The following PLA2G6 variants were observed in gnomAD, a reference collection of about 807,000 sequenced individuals.
PLA2G6 encodes phospholipase A2 group VI, also known as 85/88 kDa calcium-independent phospholipase A2.
In PLA2G6, 62 loss-of-function variants were observed where a neutral mutation model predicts 83.8. The ratio of observed to expected loss-of-function variants is 0.74; its 90% confidence interval spans 0.60 to 0.91. The LOEUF (loss-of-function observed/expected upper bound fraction) is 0.91, where lower values mean the gene tolerates loss of function less well. PLA2G6 is among the 40% of genes least tolerant of loss of function. The pLI, the probability that PLA2G6 is intolerant of heterozygous loss-of-function variation, is 0.00. For synonymous variants in PLA2G6, 417 were observed against 449.8 expected, an observed-to-expected ratio of 0.93 and a Z score of 0.92; for missense variants, 944 against 1,102.0, an observed-to-expected ratio of 0.86 and a Z score of 2.03.
chr22:38,161,003 T>C (rs893774909), intron 2 of PLA2G6, among the ~76,000 whole-genome samples: 1 of 152,192 alleles, frequency 6.6e-6, no homozygotes, highest in African/African-American at 2.4e-5. Context: ...CTGTATATCA[T>C]TTTCTCTATA....
At position 38,116,119 on chromosome 22, in the gene PLA2G6, C is replaced by G; in HGVS notation, c.1835G>C (p.Arg612Pro). The G allele has an allele frequency of 6.2e-7, 1 of 1,614,060 alleles. No individual in the cohort carries two copies. The highest frequency in any genetic ancestry group is 8.5e-7 in the Non-Finnish European group (1 of 1,180,004). The change falls in exon 13 of 17, where the codon CGT (arginine) becomes CCT (proline). Residue 612 changes from arginine (R) to proline (P), a missense_variant. Transcript: ENST00000332509. ...YDAPETVREP[R>P]FNQNVNLRPP... The stretch of plus-strand genomic sequence containing the variant: ...CCTGAGGTTAACGTTCTGGTTGAAA[C>G]GAGGCTCCCGGACAGTTTCTGGAGC...
rs181481434 is a variant in PLA2G6 at position 38,176,987 on chromosome 22, G to A, written c.-46+4677C>T. On this transcript the variant is annotated intron_variant, in intron 1 of 16. Coordinates refer to ENST00000332509, the MANE Select transcript of PLA2G6 (RefSeq NM_003560.4). ...TTGAACCCGAGAGGCAGAGGCTGCA[G>A]TGAGCCGAGATCATGCCACTGCACT... Among the ~76,000 whole-genome samples the A allele has an allele frequency of 2.6e-5, 4 of 151,504 alleles. No individual in the cohort carries two copies. The East Asian group carries it at 7.8e-4, about 29-fold the overall frequency.
rs765560166 is a variant in PLA2G6, at chr22:38,126,409, T to G, written c.1389A>C (p.Pro463=). Residue 463 remains proline (P), a synonymous_variant, in exon 10 of 17, where the codon CCA becomes CCC. Coordinates refer to ENST00000332509, the MANE Select transcript of PLA2G6 (RefSeq NM_003560.4). ...CCCTCATGGAGCCCAGGATGAACGC[T>G]GGCTTCCGGGCCCGTGAGATGTGCA... ...DLMHISRARK[P]AFILGSMRDE... is the part of the protein sequence containing the mutation. The G allele has an allele frequency of 6.2e-7, 1 of 1,613,760 alleles. No individual in the cohort carries two copies. The highest frequency in any genetic ancestry group is 1.1e-5 in the South Asian group (1 of 91,076).
rs1175863772 is a variant in PLA2G6, at chr22:38,113,555, T to G, written c.2134A>C (p.Ser712Arg). ...PVTCVDVFRP[S>R]NPWELAKTVF... Reference sequence around the variant, plus strand: ...GTCTTGGCCAGCTCCCAGGGGTTGCTGGGACGGAAGACATCCACACAGGTC... The same window carrying G: ...GTCTTGGCCAGCTCCCAGGGGTTGCGGGGACGGAAGACATCCACACAGGTC... The change falls in exon 15 of 17, where the codon AGC (serine) becomes CGC (arginine). Residue 712 changes from serine to arginine, a missense_variant. Ser to Arg is a moderately radical substitution (Grantham distance 110, BLOSUM62 -1). Transcript: ENST00000332509. The G allele has an allele frequency of 6.2e-7, 1 of 1,613,924 alleles. No individual in the cohort carries two copies. Among genetic ancestry groups the G allele is most frequent in the Non-Finnish European group, 8.5e-7 (1 of 1,180,024 alleles).
At chr22:38,115,754 G>A (rs1281797628) in intron 13 of PLA2G6, 73 bp from the exon 14 acceptor site, 2 of 1,527,882 alleles carry the variant, frequency 1.3e-6, no homozygotes, top group African/African-American at 1.4e-5. Context: ...CAGATCTCAG[G>A]GTGTGCGTGT....
chr22:38,113,720 G>A lies in PLA2G6; in HGVS notation c.2035-66C>T, dbSNP rs527599658. On this transcript the variant is annotated intron_variant, in intron 14 of 16. Transcript: ENST00000332509. ...ACAGGTAGGGGGCACGAAGGGGAGC[G>A]TCAAGGGGAGGCCCAAGACTGGGCT... is the stretch of plus-strand genomic sequence containing the variant. 367 of 1,466,480 alleles carry A rather than the reference G, an allele frequency of 2.5e-4. 2 individuals carry two copies. In the South Asian group the frequency reaches 3.2e-3, roughly 13 times the overall value. The allele number at this position is 1,466,480 out of a possible 1,614,324, so 90.8% of individuals were successfully genotyped here.
intron 1 of PLA2G6, among the ~76,000 whole-genome samples, chr22:38,175,482 GCAC>G (rs1382896453): frequency 6.6e-6 from 1 of 152,062 alleles, no homozygotes; most frequent in African/African-American, 2.4e-5. Context: ...CAGCCACGCC[GCAC>G]CATCGATCTT....
intron 2 of PLA2G6, among the ~76,000 whole-genome samples, chr22:38,153,993 G>T (rs1433162479): frequency 6.6e-6 from 1 of 152,250 alleles, no homozygotes; most frequent in African/African-American, 2.4e-5. Context: ...GGTGGCCATG[G>T]AGAGAGACTT....
chr22:38,130,252 G>A (rs2088126846), intron 7 of PLA2G6: 1 of 164,444 alleles, frequency 6.1e-6, no homozygotes, highest in South Asian at 1.6e-4. Flanking sequence ...ATTCTATTAG[G>A]ACTTCTATGG....
intron 6 of PLA2G6, chr22:38,133,300 G>C (rs943114860): frequency 7.6e-6 from 4 of 525,898 alleles, no homozygotes; most frequent in East Asian, 3.3e-5. Flanking sequence ...CCTTGCAAAG[G>C]CTCCTCTGGG....
intron 2 of PLA2G6, chr22:38,149,907 C>T (rs2089475223): frequency 6.6e-6 from 1 of 151,290 alleles, no homozygotes. Context: ...TTCACTCCAG[C>T]TTAGGCAAAA....
Position 38,113,640 on chromosome 22 carries a change from C to T in PLA2G6, c.2049G>A (p.Lys683=), listed in dbSNP as rs201346537. The change falls in exon 15 of 17, where the codon AAG becomes AAA. Residue 683 remains lysine (K), a synonymous_variant. Transcript: ENST00000332509. ...AGACAACGATGGAGAGTTTCTTCAC[C>T]TTGTTGGCCTGACCCTGTTGGGAAC... ...QDLIRKGQAN[K]VKKLSIVVSL... 7 of 1,613,696 alleles carry T rather than the reference C, an allele frequency of 4.3e-6. No individual in the cohort carries two copies. The South Asian group carries it at 5.5e-5, about 13-fold the overall frequency.
At chr22:38,129,706 C>G in intron 7 of PLA2G6, 144 bp from the exon 8 acceptor site, 1 of 710,788 alleles carries the variant, frequency 1.4e-6, no homozygotes, top group Non-Finnish European at 2.6e-6. Context: ...TCCTCACCCC[C>G]ACCCAAGTCA....
chr22:38,160,584 C>T (rs1311805080), intron 2 of PLA2G6, among the ~76,000 whole-genome samples: 2 of 152,164 alleles, frequency 1.3e-5, no homozygotes, highest in Non-Finnish European at 2.9e-5. Context: ...CGGTGGCTCA[C>T]GCCTGTAATC....
In PLA2G6 at chr22:38,132,732, G is replaced by T; in HGVS notation, c.1077+99C>A. 1 of 1,073,852 alleles carries T rather than the reference G, an allele frequency of 9.3e-7. No individual in the cohort carries two copies. Among genetic ancestry groups the T allele is most frequent in the Non-Finnish European group, 1.4e-6 (1 of 738,180 alleles). The allele number at this position is 1,073,852 out of a possible 1,614,324, so 66.5% of individuals were successfully genotyped here. On this transcript the variant is annotated intron_variant, in intron 7 of 16. Coordinates refer to ENST00000332509, the MANE Select transcript of PLA2G6 (RefSeq NM_003560.4). This position sits in a 1 kb window ranked among gnomAD's most constrained non-coding sequence, Gnocchi z 5.0. ...GGGAAGATGATTTGGAGCAGCTGAC[G>T]ATAGGAGGGAGACAGTGGGGAGGAG... is the stretch of plus-strand genomic sequence containing the variant.
At position 38,168,777 on chromosome 22, in the gene PLA2G6, G is replaced by T. The variant is rs11570613; in HGVS notation, c.209+441C>A. Among the ~76,000 whole-genome samples, 396 of 152,334 alleles carry T rather than the reference G, an allele frequency of 2.6e-3. 6 individuals are homozygous for T. The highest frequency in any genetic ancestry group is 9.1e-3 in the African/African-American group (379 of 41,574). On this transcript the variant is annotated intron_variant, in intron 2 of 16. Transcript: ENST00000332509. ...AGGCAGGAGAATCGCTTGAACCTGG[G>T]AGGCAGAGGTTGCAGTGAGCCGAGA...
At chr22:38,124,421 C>T (rs372606164) in intron 10 of PLA2G6, among the ~76,000 whole-genome samples, 77 of 152,272 alleles carry the variant, frequency 5.1e-4, no homozygotes, top group Admixed American at 8.5e-4. Flanking sequence ...CTCTCCAGCG[C>T]GCCCTGACAC....
chr22:38,143,001 G>A lies in PLA2G6; in HGVS notation c.609+104C>T, dbSNP rs2089010731. 4.8e-6 allele frequency: 5 copies of A among 1,045,504 alleles called. No homozygotes were observed. The South Asian group carries it at 6.3e-5, about 13-fold the overall frequency. 64.8% of individuals were successfully genotyped at this position (1,045,504 alleles called of 1,614,324 possible). ...GCTCAGGCCTCAAGGACCAATGGGG[G>A]ACAGTGAGAGGCCTGAGAGTGACAC... On this transcript the variant is annotated intron_variant, in intron 4 of 16. Coordinates refer to ENST00000332509, the MANE Select transcript of PLA2G6 (RefSeq NM_003560.4).
At chr22:38,114,562 G>A (rs2087073661) in intron 14 of PLA2G6, among the ~76,000 whole-genome samples, 1 of 152,110 alleles carries the variant, frequency 6.6e-6, no homozygotes, top group Non-Finnish European at 1.5e-5. Context: ...TCCCACTCTG[G>A]GTCCCAGGCT....
Sources: gnomAD v4.1 joint callset for allele counts (sites outside exome capture counted in the v4.1 genomes callset) on GRCh38, gnomAD v4.1.1 for gene constraint, Gnocchi (gnomAD v3.1) non-coding constraint, MANE v1.5 for transcripts, NCBI Gene and HGNC (gene_info 2026-07-23, HGNC 2026-07-21) for gene names.